ZNF804A: variants seen among roughly 807,000 people sequenced by gnomAD.
ZNF804A encodes zinc finger protein 804A.
In ZNF804A, 2 loss-of-function variants were observed where a neutral mutation model predicts 16.5. The ratio of observed to expected loss-of-function variants is 0.12; its 90% confidence interval spans 0.05 to 0.38. ZNF804A has a LOEUF of 0.38. Among genes scored for constraint, ZNF804A ranks in the 10% least tolerant of loss-of-function variants. ZNF804A has a pLI of 0.99. For missense variants in ZNF804A, 1,473 were observed against 1,390.7 expected, an observed-to-expected ratio of 1.06 and a Z score of -0.94; for synonymous variants, 534 against 489.6, an observed-to-expected ratio of 1.09 and a Z score of -1.20.
Position 184,936,160 on chromosome 2 carries a change from G to T in ZNF804A, c.764G>T (p.Ser255Ile), listed in dbSNP as rs1164832778. 1 of 1,614,012 alleles carries T rather than the reference G, an allele frequency of 6.2e-7. No homozygotes were observed. Among genetic ancestry groups the T allele is most frequent in the South Asian group, 1.1e-5 (1 of 91,078 alleles). ...GFSRKSRFVP[S>I]ACHLQQSSPT... ...AGCAGAAAAAGTAGATTTGTCCCCA[G>T]TGCTTGTCATCTTCAACAATCTTCA... The change falls in exon 4 of 4, where the codon AGT becomes ATT. Residue 255 changes from serine to isoleucine, a missense_variant. Transcript: ENST00000302277.
At chr2:184,845,819 T>C (rs894513729) in intron 1 of ZNF804A, among the ~76,000 whole-genome samples, 1 of 152,070 alleles carries the variant, frequency 6.6e-6, no homozygotes, top group Non-Finnish European at 1.5e-5. Flanking sequence ...AGTTTCTGTA[T>C]ATTACACAGA....
intron 1 of ZNF804A, among the ~76,000 whole-genome samples, chr2:184,731,492 G>T (rs575669189): frequency 6.6e-6 from 1 of 151,100 alleles, no homozygotes; most frequent in African/African-American, 2.4e-5. Flanking sequence ...GTATGATGTG[G>T]AACATCTTTT....
chr2:184,740,179 A>T (rs528892571), intron 1 of ZNF804A, among the ~76,000 whole-genome samples: 8 of 152,164 alleles, frequency 5.3e-5, no homozygotes, highest in Non-Finnish European at 1.0e-4. Context: ...GTGGAATTTC[A>T]TATTTTTTGT....
chr2:184,911,479 T>C (rs1001560266), intron 2 of ZNF804A, among the ~76,000 whole-genome samples: 1 of 152,084 alleles, frequency 6.6e-6, no homozygotes, highest in African/African-American at 2.4e-5. Context: ...TTATCCATTT[T>C]AGAATAGTAT....
At chr2:184,679,671 A>G (rs1350407628) in intron 1 of ZNF804A, among the ~76,000 whole-genome samples, 3 of 152,074 alleles carry the variant, frequency 2.0e-5, no homozygotes, top group Non-Finnish European at 4.4e-5. Flanking sequence ...CTCAGTGTGC[A>G]CTCACTTGGG....
intron 1 of ZNF804A, among the ~76,000 whole-genome samples, chr2:184,766,754 T>C (rs1311356330): frequency 1.3e-5 from 2 of 152,214 alleles, no homozygotes; most frequent in Middle Eastern, 3.4e-3. Context: ...CAAAGAGATA[T>C]TTGTACATTC....
chr2:184,900,105 G>T (rs542329817), intron 2 of ZNF804A, among the ~76,000 whole-genome samples: 32 of 152,116 alleles, frequency 2.1e-4, no homozygotes, highest in African/African-American at 7.5e-4. Flanking sequence ...GGCAAATGTG[G>T]TGGGTGAATG....
chr2:184,789,071 G>C (rs920519708), intron 1 of ZNF804A, among the ~76,000 whole-genome samples: 3 of 151,968 alleles, frequency 2.0e-5, no homozygotes, highest in African/African-American at 7.2e-5. Flanking sequence ...TTATCGAATG[G>C]TTTTTGTGCA....
chr2:184,805,876 A>C (rs1368943789), intron 1 of ZNF804A, among the ~76,000 whole-genome samples: 3 of 152,030 alleles, frequency 2.0e-5, no homozygotes, highest in African/African-American at 7.2e-5. Flanking sequence ...GTCTGTTATA[A>C]GAAATTATGA....
intron 1 of ZNF804A, among the ~76,000 whole-genome samples, chr2:184,660,389 T>A (rs1692153493): frequency 6.6e-6 from 1 of 152,238 alleles, no homozygotes; most frequent in African/African-American, 2.4e-5. Flanking sequence ...CTTAATCAAC[T>A]GAAAGTTTCT....
intron 1 of ZNF804A, among the ~76,000 whole-genome samples, chr2:184,750,790 T>TAACCAAAACTTTGTCTTTTGC (rs1173953075): frequency 6.6e-6 from 1 of 151,394 alleles, no homozygotes; most frequent in African/African-American, 2.4e-5. Flanking sequence ...ACATCTTTTG[T>TAACCAAAACTTTGTCTTTTGC]AACCAAAACT....
intron 1 of ZNF804A, among the ~76,000 whole-genome samples, chr2:184,599,582 A>G (rs1691013877): frequency 6.6e-6 from 1 of 152,182 alleles, no homozygotes; most frequent in Non-Finnish European, 1.5e-5. Context: ...TCCAGTGAGA[A>G]GTTGTCTGTG....
intron 1 of ZNF804A, among the ~76,000 whole-genome samples, chr2:184,838,631 T>G (rs1404972023): frequency 6.6e-6 from 1 of 151,250 alleles, no homozygotes; most frequent in African/African-American, 2.5e-5. Flanking sequence ...TGTACCATTT[T>G]AATATTTTTC....
intron 1 of ZNF804A, among the ~76,000 whole-genome samples, chr2:184,700,190 A>G (rs1055570739): frequency 6.6e-6 from 1 of 152,136 alleles, no homozygotes; most frequent in Non-Finnish European, 1.5e-5. Flanking sequence ...TTCTTCTAAA[A>G]GTGTTTTCAA....
chr2:184,774,135 C>T (rs773843966), intron 1 of ZNF804A, among the ~76,000 whole-genome samples: 2 of 151,792 alleles, frequency 1.3e-5, no homozygotes, highest in African/African-American at 2.4e-5. Flanking sequence ...GAAAGGAATC[C>T]TACTATTTGA....
chr2:184,806,241 T>A (rs553328713), intron 1 of ZNF804A, among the ~76,000 whole-genome samples: 8 of 152,068 alleles, frequency 5.3e-5, no homozygotes, highest in African/African-American at 1.7e-4. Context: ...ACCTGTAACT[T>A]CTGCTGGCAA....
At chr2:184,687,261 C>A (rs1692651581) in intron 1 of ZNF804A, among the ~76,000 whole-genome samples, 1 of 152,184 alleles carries the variant, frequency 6.6e-6, no homozygotes, top group Admixed American at 6.5e-5. Context: ...TATCCCAGCA[C>A]TATTTATTGA....
At chr2:184,818,877 A>C (rs924683241) in intron 1 of ZNF804A, among the ~76,000 whole-genome samples, 3 of 152,098 alleles carry the variant, frequency 2.0e-5, no homozygotes, top group Non-Finnish European at 4.4e-5. Flanking sequence ...CTAAATATAT[A>C]TGCATCCAAT....
intron 1 of ZNF804A, among the ~76,000 whole-genome samples, chr2:184,801,695 TA>T (rs757509733): frequency 6.6e-5 from 10 of 152,236 alleles, no homozygotes; most frequent in African/African-American, 1.9e-4. Context: ...CTTTGCATGT[TA>T]TTTTTTTGTC....
Sources: gnomAD v4.1 joint callset for allele counts (sites outside exome capture counted in the v4.1 genomes callset) on GRCh38, gnomAD v4.1.1 for gene constraint, MANE v1.5 for transcripts, NCBI Gene and HGNC (gene_info 2026-07-23, HGNC 2026-07-21) for gene names.